Variants in NUGGC observed in about 807,000 individuals in gnomAD.
NUGGC encodes nuclear GTPase SLIP-GC.
A neutral mutation model predicts 92.6 loss-of-function variants in NUGGC; 58 were observed. That is an observed-to-expected ratio of 0.63 (90% confidence interval 0.51 to 0.78). NUGGC has a LOEUF of 0.78. NUGGC is among the 30% of genes least tolerant of loss of function. The pLI, the probability that NUGGC is intolerant of heterozygous loss-of-function variation, is 0.00. For synonymous variants in NUGGC, 376 were observed against 366.4 expected, an observed-to-expected ratio of 1.03 and a Z score of -0.30; for missense variants, 925 against 964.6, an observed-to-expected ratio of 0.96 and a Z score of 0.54.
At chr8:28,043,276 A>G (rs1809745798) in intron 12 of NUGGC, among the ~76,000 whole-genome samples, 1 of 152,230 alleles carries the variant, frequency 6.6e-6, no homozygotes, top group Non-Finnish European at 1.5e-5. Flanking sequence ...TAGTATGAAT[A>G]AACGCAGACT....
intron 5 of NUGGC, 82 bp downstream of exon 5, chr8:28,068,133 AG>A: frequency 1.3e-6 from 1 of 778,266 alleles, no homozygotes; most frequent in Non-Finnish European, 2.1e-6. Context: ...GAAGGAAGAA[AG>A]AAAGGAAGGA....
rs193052179 is a variant in NUGGC at position 28,033,793 on chromosome 8, T to C, written c.1612-96A>G. The C allele has an allele frequency of 5.3e-4, 561 of 1,055,128 alleles. No homozygotes were observed. The African/African-American group carries it at 8.1e-3, about 15-fold the overall frequency. 65.4% of individuals were successfully genotyped at this position (1,055,128 alleles called of 1,614,324 possible). ...CCTGGCCAAAGATCACTACCAAGAA[T>C]CACAGGAAAGTGTAGAGACAACATG... is the stretch of plus-strand genomic sequence containing the variant. On this transcript the variant is annotated intron_variant, in intron 13 of 18. Transcript: ENST00000413272.
At chr8:28,049,233 A>C (rs1006905593) in intron 10 of NUGGC, among the ~76,000 whole-genome samples, 2 of 152,190 alleles carry the variant, frequency 1.3e-5, no homozygotes, top group Non-Finnish European at 2.9e-5. Flanking sequence ...GACTGCCAGA[A>C]GCCCACCCCC....
chr8:28,056,692 A>G (rs1033391160), intron 9 of NUGGC, among the ~76,000 whole-genome samples: 3 of 152,186 alleles, frequency 2.0e-5, no homozygotes, highest in African/African-American at 4.8e-5. Flanking sequence ...ATCCCAGTTT[A>G]TATTTGATAA....
Position 28,060,512 on chromosome 8 carries a change from G to A in NUGGC, c.1011C>T (p.Ser337=), listed in dbSNP as rs1233786051. 2.5e-6 allele frequency: 4 copies of A among 1,613,850 alleles called. No individual in the cohort carries two copies. The South Asian group carries it at 3.3e-5, about 13-fold the overall frequency. Residue 337 remains serine (S), a synonymous_variant, in exon 8 of 19, where the codon AGC becomes AGT. Coordinates refer to ENST00000413272, the MANE Select transcript of NUGGC (RefSeq NM_001010906.2). ...AGAAGCCCCGCTGGCAGGCTTTGAT[G>A]CTCTCATTCAGAAGGTCTTCGTGGG... ...GQAHEDLLNE[S]IKACQRGFCR...
chr8:28,061,266 C>A (rs146118028), intron 7 of NUGGC, among the ~76,000 whole-genome samples: 1 of 152,326 alleles, frequency 6.6e-6, no homozygotes, highest in East Asian at 1.9e-4. Flanking sequence ...AGCCAGAAAC[C>A]ATATGACAAG....
intron 1 of NUGGC, among the ~76,000 whole-genome samples, chr8:28,079,123 C>T (rs1810788469): frequency 6.6e-6 from 1 of 152,224 alleles, no homozygotes; most frequent in Non-Finnish European, 1.5e-5. Context: ...GTTATTCTTG[C>T]TTCTCTCCCC....
Position 28,023,379 on chromosome 8 carries a change from T to G in NUGGC, c.2329A>C (p.Met777Leu). 6.2e-7 allele frequency: 1 copy of G among 1,614,036 alleles called. No homozygotes were observed. The highest frequency in any genetic ancestry group is 1.1e-5 in the South Asian group (1 of 91,090). The change falls in exon 19 of 19, where the codon ATG becomes CTG. Residue 777 changes from methionine (M) to leucine (L), a missense_variant. Met to Leu is a conservative substitution (Grantham distance 15, BLOSUM62 2). Coordinates refer to ENST00000413272, the MANE Select transcript of NUGGC (RefSeq NM_001010906.2). ...GATGCCCTTAGGAGGAATTCTTGCA[T>G]GCCCTTCCTCAGCCGTGCATTCTCC... The part of the protein sequence containing the change: ...VAENARLRKG[M>L]QEFLLRASPS...
In NUGGC at chr8:28,041,032, C is replaced by G; in HGVS notation, c.1611+19G>C. On this transcript the variant is annotated intron_variant, in intron 13 of 18. Transcript: ENST00000413272. ...AGGCCTCCTGGAATATCTGAGTTTT[C>G]CCTGGAAGGGTCACTCACCACCAAG... The G allele has an allele frequency of 6.3e-7, 1 of 1,584,256 alleles. No homozygotes were observed. The highest frequency in any genetic ancestry group is 8.6e-7 in the Non-Finnish European group (1 of 1,163,272).
chr8:28,042,235 T>C (rs1809718562), intron 12 of NUGGC, among the ~76,000 whole-genome samples: 1 of 152,154 alleles, frequency 6.6e-6, no homozygotes, highest in South Asian at 2.1e-4. Context: ...AATGGACTAA[T>C]ACAGTTCCAG....
chr8:28,044,187 C>T (rs1809769628), intron 12 of NUGGC, among the ~76,000 whole-genome samples: 1 of 152,176 alleles, frequency 6.6e-6, no homozygotes, highest in African/African-American at 2.4e-5. Flanking sequence ...GGACCAGCTC[C>T]TCGACCACTC....
At chr8:28,068,858 T>C (rs1810515650) in intron 4 of NUGGC, among the ~76,000 whole-genome samples, 1 of 152,158 alleles carries the variant, frequency 6.6e-6, no homozygotes, top group African/African-American at 2.4e-5. Flanking sequence ...TGCCTCAGCC[T>C]CTGAAGTAGC....
At chr8:28,068,851 C>T (rs954526218) in intron 4 of NUGGC, among the ~76,000 whole-genome samples, 2 of 152,198 alleles carry the variant, frequency 1.3e-5, no homozygotes, top group Non-Finnish European at 2.9e-5. Context: ...ACTCCCTTGC[C>T]TCAGCCTCTG....
chr8:28,072,851 C>T (rs2130268098), intron 2 of NUGGC, among the ~76,000 whole-genome samples: 1 of 151,802 alleles, frequency 6.6e-6, no homozygotes, highest in African/African-American at 2.4e-5. Flanking sequence ...TTCCAGCATT[C>T]TCCACCGAGA....
In NUGGC at chr8:28,023,213, G is replaced by A. The variant is rs1809162277; in HGVS notation, c.*104C>T. On this transcript the variant is annotated 3_prime_UTR_variant, in exon 19 of 19. Coordinates refer to ENST00000413272, the MANE Select transcript of NUGGC (RefSeq NM_001010906.2). ...TGATGGTGCCACTGCACTCCAGCCT[G>A]GGCAACAGAGGTAGATAGATCTTGT... 7.7e-7 allele frequency: 1 copy of A among 1,305,716 alleles called. No homozygotes were observed. Among genetic ancestry groups the A allele is most frequent in the Admixed American group, 2.5e-5 (1 of 40,724 alleles). The allele number at this position is 1,305,716 out of a possible 1,614,324, so 80.9% of individuals were successfully genotyped here.
chr8:28,024,804 T>C (rs536391294), intron 18 of NUGGC, among the ~76,000 whole-genome samples: 15 of 152,270 alleles, frequency 9.9e-5, no homozygotes, highest in African/African-American at 3.1e-4. Flanking sequence ...CCTTTGAGGC[T>C]TCCCCCAGGA....
chr8:28,056,187 T>A, intron 9 of NUGGC, 133 bp from the exon 10 acceptor site: 1 of 564,982 alleles, frequency 1.8e-6, no homozygotes, highest in Non-Finnish European at 3.1e-6. Flanking sequence ...GTATTAGAAT[T>A]ATACACAGTT....
chr8:28,041,781 A>G (rs779583201), intron 12 of NUGGC, among the ~76,000 whole-genome samples: 11 of 152,204 alleles, frequency 7.2e-5, no homozygotes, highest in Non-Finnish European at 1.5e-4. Context: ...AGGACCACAA[A>G]AATAAATCCA....
chr8:28,062,240 A>G (rs1810324920), intron 7 of NUGGC, among the ~76,000 whole-genome samples: 1 of 152,220 alleles, frequency 6.6e-6, no homozygotes, highest in East Asian at 1.9e-4. Flanking sequence ...TCTCTCCTCT[A>G]TAAGTGAATG....
Sources: gnomAD v4.1 joint callset for allele counts (sites outside exome capture counted in the v4.1 genomes callset) on GRCh38, gnomAD v4.1.1 for gene constraint, MANE v1.5 for transcripts, NCBI Gene and HGNC (gene_info 2026-07-23, HGNC 2026-07-21) for gene names.